The following ECI2 variants were observed in gnomAD, a reference collection of about 807,000 sequenced individuals.
ECI2 encodes the protein D3,D2-enoyl-CoA isomerase.
A neutral mutation model predicts 38.4 loss-of-function variants in ECI2; 27 were observed. The observed-to-expected ratio is 0.70, with a 90% CI of 0.52 to 0.97. The LOEUF (loss-of-function observed/expected upper bound fraction) is 0.97, where lower values mean the gene tolerates loss of function less well. Ranked by LOEUF, ECI2 falls within the 50% of genes least tolerant of loss-of-function variation. The pLI, the probability that ECI2 is intolerant of heterozygous loss-of-function variation, is 0.00. For missense variants in ECI2, 470 were observed against 474.4 expected (o/e 0.99, Z 0.09); for synonymous variants, 168 against 172.0 (o/e 0.98, Z 0.18).
In ECI2 at chr6:4,119,221, A is replaced by T. The variant is rs1339819177; in HGVS notation, c.850T>A (p.Ser284Thr). The part of the protein sequence containing the change: ...HLGQSPEGCS[S>T]YTFPKIMSPA... ...CTCATTATCTTCGGAAAAGTGTAAG[A>T]GGAGCATCCTTCCGGACTTTGGCCT... The change falls in exon 8 of 10, where the codon TCT becomes ACT. Residue 284 changes from serine to threonine, a missense_variant. Physicochemically the swap from Ser to Thr is moderately conservative, Grantham distance 58 (BLOSUM62 1). Coordinates refer to ENST00000380118, the MANE Select transcript of ECI2 (RefSeq NM_206836.3). The T allele has an allele frequency of 6.2e-7, 1 of 1,613,896 alleles. No homozygotes were observed. Among genetic ancestry groups the T allele is most frequent in the Non-Finnish European group, 8.5e-7 (1 of 1,179,866 alleles).
intron 7 of ECI2, among the ~76,000 whole-genome samples, chr6:4,122,903 CCACT>C (rs1772901601): frequency 1.3e-5 from 2 of 152,296 alleles, no homozygotes; most frequent in South Asian, 2.1e-4. Flanking sequence ...TAAACAGTGA[CCACT>C]CAAAGATTTA....
chr6:4,133,537 G>A lies in ECI2; in HGVS notation c.213+12C>T, dbSNP rs759771719. 65 of 1,593,966 alleles carry A rather than the reference G, an allele frequency of 4.1e-5. No homozygotes were observed. The highest frequency in any genetic ancestry group is 1.2e-4 in the African/African-American group (9 of 73,908). On this transcript the variant is annotated intron_variant, in intron 2 of 9. Coordinates refer to ENST00000380118, the MANE Select transcript of ECI2 (RefSeq NM_206836.3). ...AAAATTCTTTAAATAACGTTCGACC[G>A]TAGGCATTTACCTGCTTATATAGCG...
At chr6:4,123,901 C>T (rs1772975670) in intron 7 of ECI2, among the ~76,000 whole-genome samples, 1 of 151,814 alleles carries the variant, frequency 6.6e-6, no homozygotes, top group South Asian at 2.1e-4. Flanking sequence ...GTGGTGGCTG[C>T]AGTGAGCCAA....
Position 4,127,957 on chromosome 6 carries a change from A to G in ECI2, c.502-126T>C. ...AGTGCCTAACATTTATTTTGGTTGT[A>G]TTTTATAACCAAAAAGGTGGACCAA... is the stretch of plus-strand genomic sequence containing the variant. On this transcript the variant is annotated intron_variant, in intron 4 of 9. Transcript: ENST00000380118. The G allele has an allele frequency of 6.1e-6, 5 of 821,176 alleles. No individual in the cohort carries two copies. The South Asian group carries it at 6.6e-5, about 11-fold the overall frequency. 50.9% of individuals were successfully genotyped at this position (821,176 alleles called of 1,614,324 possible).
intron 1 of ECI2, 123 bp downstream of exon 1, chr6:4,135,383 CAGCAA>C: frequency 6.5e-7 from 1 of 1,549,476 alleles, no homozygotes; most frequent in Non-Finnish European, 8.7e-7. Flanking sequence ...ACCGGAAAAC[CAGCAA>C]AGCAAAATCC....
At chr6:4,127,655 C>T in intron 5 of ECI2, 107 bp downstream of exon 5, 1 of 1,097,448 alleles carries the variant, frequency 9.1e-7, no homozygotes, top group Non-Finnish European at 1.3e-6. Flanking sequence ...CCTCGGGAGC[C>T]ACCTGCCTCG....
intron 7 of ECI2, chr6:4,121,880 CATAAAA>C (rs1772800925): frequency 1.2e-6 from 1 of 818,062 alleles, no homozygotes; most frequent in Admixed American, 3.0e-5. Context: ...GCAGCATATA[CATAAAA>C]ATAATCACAA....
At position 4,118,871 on chromosome 6, in the gene ECI2, C is replaced by T. The variant is rs942256971; in HGVS notation, c.885+315G>A. ...GGAGGCTGGCACAGCCCTGGTCCTT[C>T]AAGTGACTAATGCCACACAGCTGCA... On this transcript the variant is annotated intron_variant, in intron 8 of 9. Transcript: ENST00000380118. The T allele has an allele frequency of 3.2e-5, 7 of 219,924 alleles. No individual in the cohort carries two copies. The South Asian group carries it at 5.1e-4, about 16-fold the overall frequency. The allele number at this position is 219,924 out of a possible 1,614,324, so 13.6% of individuals were successfully genotyped here.
chr6:4,127,562 G>A (rs924158610), intron 5 of ECI2, among the ~76,000 whole-genome samples, 200 bp downstream of exon 5: 2 of 151,732 alleles, frequency 1.3e-5, no homozygotes, highest in Non-Finnish European at 2.9e-5. Flanking sequence ...TTACAGGTGT[G>A]TGCCACCATG....
intron 8 of ECI2, 79 bp from the exon 9 acceptor site, chr6:4,117,530 T>C: frequency 6.5e-7 from 1 of 1,545,368 alleles, no homozygotes; most frequent in Non-Finnish European, 8.7e-7. Context: ...TCAGGAGGCT[T>C]AGAGAGATGT....
intron 8 of ECI2, 72 bp downstream of exon 8, chr6:4,119,114 T>A: frequency 8.1e-7 from 1 of 1,228,390 alleles, no homozygotes; most frequent in Non-Finnish European, 1.2e-6. Context: ...GAAGGGAGAG[T>A]ATATGAGATT....
chr6:4,133,719 T>C lies in ECI2; in HGVS notation c.51-8A>G, dbSNP rs73717455. 5,310 of 1,589,634 alleles carry C rather than the reference T, an allele frequency of 3.3e-3. 164 individuals carry two copies. In the African/African-American group the frequency reaches 0.064, roughly 19 times the overall value. ...CTAGTGACCTGCAGAGAACTACAAT[T>C]AGGCAGACTGATTTCTATTTGTTCC... On this transcript the variant is annotated splice_polypyrimidine_tract_variant and splice_region_variant and intron_variant, in intron 1 of 9. Coordinates refer to ENST00000380118, the MANE Select transcript of ECI2 (RefSeq NM_206836.3).
intron 9 of ECI2, among the ~76,000 whole-genome samples, chr6:4,116,273 C>T (rs1230520735): frequency 2.0e-5 from 3 of 150,720 alleles, no homozygotes; most frequent in African/African-American, 7.3e-5. Flanking sequence ...ATTGCTTGAA[C>T]CCGGGAGGCG....
chr6:4,127,138 C>G (rs1388888151), intron 5 of ECI2, among the ~76,000 whole-genome samples: 1 of 152,194 alleles, frequency 6.6e-6, no homozygotes, highest in African/African-American at 2.4e-5. Context: ...TTGTGTATAT[C>G]ATTTATTCCA....
rs1773073100 is a variant in ECI2, at chr6:4,125,300, T to C, written c.745A>G (p.Ile249Val). ...AATAGCCCAAGGAGGGTGACGGAGA[T>C]GCCCACAGCTGGACCATTGACCACT... is the stretch of plus-strand genomic sequence containing the variant. ...IAVVNGPAVG[I>V]SVTLLGLFDA... is the part of the protein sequence containing the mutation. Residue 249 changes from isoleucine to valine, a missense_variant, in exon 7 of 10, where the codon ATC becomes GTC. Transcript: ENST00000380118. The C allele has an allele frequency of 6.2e-7, 1 of 1,614,046 alleles. No individual in the cohort carries two copies. The highest frequency in any genetic ancestry group is 1.3e-5 in the African/African-American group (1 of 74,922).
intron 7 of ECI2, among the ~76,000 whole-genome samples, chr6:4,119,811 C>T (rs1350867579): frequency 1.3e-5 from 2 of 152,132 alleles, no homozygotes; most frequent in Non-Finnish European, 2.9e-5. Context: ...ACATTTCAGC[C>T]ACCCTGAAAG....
chr6:4,132,795 C>T (rs1244265658), intron 2 of ECI2, among the ~76,000 whole-genome samples: 2 of 152,120 alleles, frequency 1.3e-5, no homozygotes, highest in African/African-American at 2.4e-5. Flanking sequence ...GACAGAGTCT[C>T]GCTCTGTCAC....
At chr6:4,117,627 G>A (rs1359788781) in intron 8 of ECI2, 176 bp from the exon 9 acceptor site, 1 of 769,612 alleles carries the variant, frequency 1.3e-6, no homozygotes, top group African/African-American at 1.8e-5. Context: ...ACTGTGTGCT[G>A]AGACAGGCTC....
intron 3 of ECI2, 67 bp downstream of exon 3, chr6:4,130,700 G>C (rs569853385): frequency 1.2e-6 from 2 of 1,603,646 alleles, no homozygotes; most frequent in East Asian, 4.5e-5. Context: ...ATTTACAATG[G>C]CTTAATGAGA....
Sources: gnomAD v4.1 joint callset for allele counts (sites outside exome capture counted in the v4.1 genomes callset) on GRCh38, gnomAD v4.1.1 for gene constraint, MANE v1.5 for transcripts, NCBI Gene and HGNC (gene_info 2026-07-23, HGNC 2026-07-21) for gene names.